The following PPARGC1A variants were observed in gnomAD, a reference collection of about 807,000 sequenced individuals.
The protein encoded by PPARGC1A is PPARG coactivator 1 alpha.
PPARGC1A carries 25 observed loss-of-function variants against 88.7 expected under a neutral mutation model. The observed-to-expected ratio is 0.28, with a 90% CI of 0.21 to 0.39. The LOEUF (loss-of-function observed/expected upper bound fraction) is 0.39, where lower values mean the gene tolerates loss of function less well. PPARGC1A is among the 10% of genes least tolerant of loss of function. The pLI is 1.00. For missense variants in PPARGC1A, 880 were observed against 968.7 expected (o/e 0.91, Z 1.22); for synonymous variants, 363 against 355.6 (o/e 1.02, Z -0.24).
chr4:23,826,581 T>C (rs185055826), intron 5 of PPARGC1A, among the ~76,000 whole-genome samples: 10 of 152,308 alleles, frequency 6.6e-5, no homozygotes, highest in Admixed American at 3.9e-4. Context: ...CCTAGTTATC[T>C]CTAATTGTTC....
chr4:24,066,849 G>GTTT, the PPARGC1A span, among the ~76,000 whole-genome samples: 850 of 100,712 alleles, frequency 8.4e-3, 22 homozygotes, highest in African/African-American at 0.023. Flanking sequence ...TTTGTTTTGG[G>GTTT]TTTTTTTTTT....
At chr4:24,126,392 G>A in the PPARGC1A span, among the ~76,000 whole-genome samples, 1 of 152,046 alleles carries the variant, frequency 6.6e-6, no homozygotes, top group African/African-American at 2.4e-5. Flanking sequence ...TACACAAGGG[G>A]ACAAAATCAT....
At chr4:24,382,641 C>T in the PPARGC1A span, among the ~76,000 whole-genome samples, 2 of 152,234 alleles carry the variant, frequency 1.3e-5, no homozygotes, top group Admixed American at 1.3e-4. Flanking sequence ...AAGTATGACT[C>T]ATTAAAATGA....
the PPARGC1A span, among the ~76,000 whole-genome samples, chr4:24,402,091 G>A: frequency 6.4e-4 from 97 of 152,322 alleles, 1 homozygote; most frequent in East Asian, 0.014. Context: ...AAGCGCTGCT[G>A]AATAGAACTC....
chr4:24,303,946 C>A, the PPARGC1A span, among the ~76,000 whole-genome samples: 1 of 152,164 alleles, frequency 6.6e-6, no homozygotes, highest in African/African-American at 2.4e-5. Flanking sequence ...TTCTTTCTGC[C>A]ATGGGGTTAG....
chr4:23,814,974 T>C (rs1020109329), intron 7 of PPARGC1A, among the ~76,000 whole-genome samples: 1 of 152,128 alleles, frequency 6.6e-6, no homozygotes, highest in African/African-American at 2.4e-5. Flanking sequence ...GGCTGCTTTA[T>C]GGAAAATTAA....
At chr4:24,459,918 T>C in the PPARGC1A span, among the ~76,000 whole-genome samples, 4 of 152,254 alleles carry the variant, frequency 2.6e-5, no homozygotes, top group Admixed American at 6.5e-5. Context: ...ATACTGTATA[T>C]GCCCAAATAT....
At chr4:24,021,135 G>A in the PPARGC1A span, among the ~76,000 whole-genome samples, 1 of 152,248 alleles carries the variant, frequency 6.6e-6, no homozygotes, top group Non-Finnish European at 1.5e-5. Context: ...GGCAAGCAGT[G>A]TTCCCCTCCT....
chr4:24,383,517 T>C, the PPARGC1A span, among the ~76,000 whole-genome samples: 1,959 of 152,136 alleles, frequency 0.013, 43 homozygotes, highest in African/African-American at 0.045. Flanking sequence ...ATAACCAGTT[T>C]AGAGAAGAAC....
At chr4:24,322,772 A>G in the PPARGC1A span, among the ~76,000 whole-genome samples, 1 of 152,302 alleles carries the variant, frequency 6.6e-6, no homozygotes, top group South Asian at 2.1e-4. Context: ...TGGGAGAGTC[A>G]GGTTTTTAGC....
chr4:23,836,920 TGAAGG>T (rs1726128760), intron 2 of PPARGC1A, among the ~76,000 whole-genome samples: 1 of 152,150 alleles, frequency 6.6e-6, no homozygotes, highest in African/African-American at 2.4e-5. Flanking sequence ...AACTGCCACC[TGAAGG>T]GAGAAATGCA....
the PPARGC1A span, among the ~76,000 whole-genome samples, chr4:24,235,789 A>G: frequency 6.6e-6 from 1 of 152,164 alleles, no homozygotes; most frequent in African/African-American, 2.4e-5. Flanking sequence ...ACTGGGGGCA[A>G]AGGTAAGGTA....
chr4:24,014,671 A>G, the PPARGC1A span, among the ~76,000 whole-genome samples: 1 of 152,092 alleles, frequency 6.6e-6, no homozygotes, highest in African/African-American at 2.4e-5. Context: ...ATCCTTCTTC[A>G]TAGGCAGCTC....
chr4:24,428,654 T>C, the PPARGC1A span, among the ~76,000 whole-genome samples: 3 of 152,330 alleles, frequency 2.0e-5, no homozygotes, highest in East Asian at 5.8e-4. Context: ...TTGACAGTAC[T>C]TGGTCTTGTT....
chr4:24,270,037 T>C, the PPARGC1A span, among the ~76,000 whole-genome samples: 1 of 152,342 alleles, frequency 6.6e-6, no homozygotes, highest in African/African-American at 2.4e-5. Context: ...AAGTTAACAT[T>C]TGAATCAGTA....
the PPARGC1A span, among the ~76,000 whole-genome samples, chr4:24,384,558 CAAAA>C: frequency 1.1e-4 from 6 of 53,962 alleles, no homozygotes; most frequent in Admixed American, 2.0e-4. Context: ...AAATGGAAAG[CAAAA>C]AAAAAAAAAA....
At chr4:24,180,457 G>A in the PPARGC1A span, among the ~76,000 whole-genome samples, 1 of 152,054 alleles carries the variant, frequency 6.6e-6, no homozygotes, top group African/African-American at 2.4e-5. Flanking sequence ...CTACGCTCTG[G>A]GAACCATTGT....
the PPARGC1A span, among the ~76,000 whole-genome samples, chr4:23,937,446 C>A: frequency 1.3e-5 from 2 of 151,702 alleles, no homozygotes; most frequent in Non-Finnish European, 2.9e-5. Flanking sequence ...TGGATCAACC[C>A]CAAAAGTGCC....
At chr4:24,273,515 C>A in the PPARGC1A span, among the ~76,000 whole-genome samples, 1 of 152,070 alleles carries the variant, frequency 6.6e-6, no homozygotes, top group Non-Finnish European at 1.5e-5. Context: ...CATCTCAGAA[C>A]CAAGTGGAAC....
Sources: gnomAD v4.1 joint callset for allele counts (sites outside exome capture counted in the v4.1 genomes callset) on GRCh38, gnomAD v4.1.1 for gene constraint, MANE v1.5 for transcripts, NCBI Gene and HGNC (gene_info 2026-07-23, HGNC 2026-07-21) for gene names.